Variants in DLC1 observed in about 807,000 individuals in gnomAD.
DLC1 encodes rho GTPase-activating protein 7.
Under a neutral mutation model 140.3 loss-of-function variants are expected in DLC1, and 54 were observed. The observed-to-expected ratio is 0.38, with a 90% CI of 0.31 to 0.48. DLC1 has a LOEUF of 0.48. DLC1 is among the 20% of genes least tolerant of loss of function. The pLI, the probability that DLC1 is intolerant of heterozygous loss-of-function variation, is 0.96. For missense variants in DLC1, 2,536 were observed against 1,907.0 expected (o/e 1.33, Z -6.14); for synonymous variants, 986 against 728.1 (o/e 1.35, Z -5.70).
chr8:13,386,284 T>C (rs1300984782), intron 4 of DLC1, among the ~76,000 whole-genome samples: 2 of 152,172 alleles, frequency 1.3e-5, no homozygotes, highest in Admixed American at 6.6e-5. Flanking sequence ...TTTTTTCCCG[T>C]ATTTCTTTTG....
At chr8:13,175,970 T>G (rs959626740) in intron 5 of DLC1, among the ~76,000 whole-genome samples, 1 of 152,228 alleles carries the variant, frequency 6.6e-6, no homozygotes, top group Non-Finnish European at 1.5e-5. Context: ...AGTCATATAG[T>G]ATGTAGCACA....
chr8:13,453,691 T>G (rs2449083), intron 2 of DLC1, among the ~76,000 whole-genome samples: 78,683 of 148,388 alleles, frequency 0.53, 21,392 homozygotes, highest in African/African-American at 0.64. Flanking sequence ...TAGAAATGAC[T>G]TTAGCCTGGC....
rs573082117 is a variant in DLC1, at chr8:13,254,960, AG to A, written c.1348+50308del. Among the ~76,000 whole-genome samples, 486 of 146,052 alleles carry A rather than the reference AG, an allele frequency of 3.3e-3. 1 individual carries two copies. Among genetic ancestry groups the A allele is most frequent in the Non-Finnish European group, 5.2e-3 (346 of 66,698 alleles). ...ATATGATCTTGGAAGAGTTATTTAA[AG>A]TACTCTTTTTTTTTCTTTTTTCTTA... On this transcript the variant is annotated intron_variant, in intron 5 of 17. Coordinates refer to ENST00000276297, the MANE Select transcript of DLC1 (RefSeq NM_182643.3).
chr8:13,190,930 C>T (rs141506670), intron 5 of DLC1, among the ~76,000 whole-genome samples: 113 of 151,680 alleles, frequency 7.4e-4, no homozygotes, highest in African/African-American at 2.6e-3. Context: ...CATTCATTGG[C>T]CTGAGGAAAA....
intron 4 of DLC1, among the ~76,000 whole-genome samples, chr8:13,317,297 C>T (rs1201016630): frequency 1.3e-5 from 2 of 152,130 alleles, no homozygotes; most frequent in Non-Finnish European, 2.9e-5. Context: ...CGTTAGTGTC[C>T]AGACTGAATT....
chr8:13,390,002 T>A (rs1836679158), intron 4 of DLC1, among the ~76,000 whole-genome samples: 1 of 152,196 alleles, frequency 6.6e-6, no homozygotes, highest in Non-Finnish European at 1.5e-5. Flanking sequence ...CAGTTTTCTC[T>A]CTCTTCATAA....
At chr8:13,323,184 G>T (rs1299055362) in intron 4 of DLC1, among the ~76,000 whole-genome samples, 1 of 152,180 alleles carries the variant, frequency 6.6e-6, no homozygotes. Flanking sequence ...GTTCATGATG[G>T]TTTCAAGTTG....
intron 2 of DLC1, among the ~76,000 whole-genome samples, chr8:13,486,273 T>C (rs947448833): frequency 2.0e-5 from 3 of 152,198 alleles, no homozygotes; most frequent in Non-Finnish European, 4.4e-5. Context: ...CTCCATTCCA[T>C]TTTGCTTTAA....
intron 2 of DLC1, among the ~76,000 whole-genome samples, chr8:13,480,992 A>T (rs1800705826): frequency 6.6e-6 from 1 of 152,234 alleles, no homozygotes; most frequent in Non-Finnish European, 1.5e-5. Context: ...CCAAAGGCCA[A>T]GAGGCCAGTT....
chr8:13,454,125 C>G (rs1023020878), intron 2 of DLC1, among the ~76,000 whole-genome samples: 2 of 151,956 alleles, frequency 1.3e-5, no homozygotes, highest in Non-Finnish European at 2.9e-5. Flanking sequence ...ATTTTTTGGA[C>G]TACGTGCAAT....
At chr8:13,283,893 G>C (rs796730119) in intron 5 of DLC1, among the ~76,000 whole-genome samples, 4 of 152,308 alleles carry the variant, frequency 2.6e-5, no homozygotes, top group African/African-American at 9.6e-5. Flanking sequence ...TATCAAAGAA[G>C]ATGGAGCAGA....
chr8:13,239,804 A>G lies in DLC1; in HGVS notation c.1348+65465T>C, dbSNP rs532032215. Among the ~76,000 whole-genome samples, 278 of 152,328 alleles carry G rather than the reference A, an allele frequency of 1.8e-3. 3 individuals carry two copies. Among genetic ancestry groups the G allele is most frequent in the African/African-American group, 6.2e-3 (258 of 41,580 alleles). On this transcript the variant is annotated intron_variant, in intron 5 of 17. Transcript: ENST00000276297. The stretch of plus-strand genomic sequence containing the variant: ...AGACTGTCAAAATATTGACTCCGGC[A>G]GAATTGTAACCCAGATAGAAATGCA...
At chr8:13,403,989 C>G (rs549962447) in intron 2 of DLC1, among the ~76,000 whole-genome samples, 2 of 152,078 alleles carry the variant, frequency 1.3e-5, no homozygotes, top group African/African-American at 2.4e-5. Context: ...ACAATACTTT[C>G]CATCCAGTAA....
At chr8:13,090,164 C>G (rs1817922865) in intron 15 of DLC1, 88 bp downstream of exon 15, 11 of 1,285,010 alleles carry the variant, frequency 8.6e-6, no homozygotes, top group Non-Finnish European at 8.7e-6. Context: ...GATCCCCAGA[C>G]AGATTAGTTG....
chr8:13,576,750 C>T (rs1332641198), intron 1 of DLC1, among the ~76,000 whole-genome samples: 11 of 152,246 alleles, frequency 7.2e-5, no homozygotes, highest in Admixed American at 7.2e-4. Flanking sequence ...CAGTACAATG[C>T]TGTGTCTGTG....
chr8:13,503,137 G>C (rs2117216453), intron 1 of DLC1, among the ~76,000 whole-genome samples: 1 of 152,330 alleles, frequency 6.6e-6, no homozygotes, highest in East Asian at 1.9e-4. Flanking sequence ...GGGCATGATG[G>C]CTCACGCCTG....
rs796606538 is a variant in DLC1, at chr8:13,602,740, A to G, written c.-126+1797T>C. On this transcript the variant is annotated intron_variant, in intron 1 of 1. Coordinates refer to the DLC1 transcript ENST00000631382. Reference sequence around the variant, plus strand: ...CCCAGTTGCTAAAACAAAACAAAATAAAACAACATAATTTTTTTCAAAATC... The same window carrying G: ...CCCAGTTGCTAAAACAAAACAAAATGAAACAACATAATTTTTTTCAAAATC... Among the ~76,000 whole-genome samples, 5 of 152,086 alleles carry G rather than the reference A, an allele frequency of 3.3e-5. 1 individual carries two copies. The highest frequency in any genetic ancestry group is 1.2e-4 in the African/African-American group (5 of 41,568).
In DLC1 at chr8:13,496,785, C is replaced by CTTTT. The variant is rs1491502803; in HGVS notation, c.1023+2263_1023+2264insAAAA. ...TAATTAACAAATTCTTAGACCATTT[C>CTTTT]CTTTTTTTTTTTTTTTTTTTTTTTT... On this transcript the variant is annotated intron_variant, in intron 2 of 17. Transcript: ENST00000276297. Among the ~76,000 whole-genome samples the CTTTT allele has an allele frequency of 6.9e-4, 6 of 8,652 alleles. 1 individual carries two copies. Among genetic ancestry groups the CTTTT allele is most frequent in the South Asian group, 3.1e-3 (1 of 318 alleles). The allele number at this position is 8,652 out of a possible 152,430, so 5.7% of individuals were successfully genotyped here.
chr8:13,427,953 AT>A (rs1479763996), intron 2 of DLC1, among the ~76,000 whole-genome samples: 1 of 152,166 alleles, frequency 6.6e-6, no homozygotes, highest in African/African-American at 2.4e-5. Context: ...CTGCTTGACC[AT>A]CTGGCCAGAA....
Sources: gnomAD v4.1 joint callset for allele counts (sites outside exome capture counted in the v4.1 genomes callset) on GRCh38, gnomAD v4.1.1 for gene constraint, MANE v1.5 for transcripts, NCBI Gene and HGNC (gene_info 2026-07-23, HGNC 2026-07-21) for gene names.